ZNF883: variants seen among roughly 807,000 people sequenced by gnomAD.
The protein encoded by ZNF883 is zinc finger protein 883.
Position 112,998,058 on chromosome 9 carries a change from G to C in ZNF883, n.202C>G, listed in dbSNP as rs1828382752. ...TTCCCACATTCATTACATTCATAAG[G>C]TTTCTCTCCAGTATGTATTCTTTGA... On this transcript the variant is annotated non_coding_transcript_exon_variant, in exon 1 of 1. Coordinates refer to ENST00000639662, the Ensembl canonical transcript of ZNF883. The C allele has an allele frequency of 5.6e-6, 9 of 1,613,936 alleles. No individual in the cohort carries two copies. In the Middle Eastern group the frequency reaches 5.0e-4, roughly 89 times the overall value.
upstream of ZNF883, among the ~76,000 whole-genome samples, chr9:113,001,343 C>T (rs774897043): frequency 2.6e-5 from 4 of 151,996 alleles, no homozygotes; most frequent in Admixed American, 1.3e-4. Flanking sequence ...AATCATAAAA[C>T]AGTCATTAAA....
At chr9:113,003,621 G>A (rs775901340) in intron 2 of ZNF883, among the ~76,000 whole-genome samples, 1 of 150,880 alleles carries the variant, frequency 6.6e-6, no homozygotes, top group Non-Finnish European at 1.5e-5. Context: ...ATATTTAAGG[G>A]AATAAGGATA....
intron 1 of ZNF883, among the ~76,000 whole-genome samples, chr9:112,990,721 C>G (rs916637353): frequency 3.3e-5 from 5 of 152,152 alleles, no homozygotes; most frequent in Admixed American, 3.3e-4. Flanking sequence ...TGGTAGAATT[C>G]AGCTGTAAAT....
At chr9:113,000,581 A>G (rs927333756), upstream of ZNF883, among the ~76,000 whole-genome samples, 2 of 152,220 alleles carry the variant, frequency 1.3e-5, no homozygotes, top group African/African-American at 4.8e-5. Flanking sequence ...AAAAGAAGAA[A>G]CAAAAAATGC....
upstream of ZNF883, chr9:112,998,648 C>G (rs1828390650): frequency 6.4e-6 from 1 of 157,326 alleles, no homozygotes; most frequent in African/African-American, 2.4e-5. Context: ...TCTGTCCTGC[C>G]TGGGCTGTGA....
exon 1 of ZNF883, chr9:112,997,128 C>T (rs1482899224): frequency 6.3e-7 from 1 of 1,597,674 alleles, no homozygotes; most frequent in South Asian, 1.1e-5. Flanking sequence ...CATTACTCTG[C>T]TAAGGTTTCC....
exon 1 of ZNF883, chr9:112,997,213 A>G: frequency 5.6e-6 from 9 of 1,613,966 alleles, no homozygotes; most frequent in Non-Finnish European, 7.6e-6. Flanking sequence ...TAGTACATTG[A>G]TAGGGTCTCT....
At chr9:113,007,502 C>T (rs1828490012) in intron 2 of ZNF883, among the ~76,000 whole-genome samples, 1 of 152,152 alleles carries the variant, frequency 6.6e-6, no homozygotes, top group Admixed American at 6.5e-5. Context: ...TTACTATGTT[C>T]TCAACTCATA....
chr9:112,997,012 G>GTGTTTTGCCT (rs1372219965), downstream of ZNF883: 1 of 1,019,368 alleles, frequency 9.8e-7, no homozygotes, highest in African/African-American at 1.6e-5. Context: ...AAGTAAATGA[G>GTGTTTTGCCT]TGTTTTGCCT....
intron 1 of ZNF883, 75 bp from the exon 2 acceptor site, chr9:113,011,302 C>T (rs1331616922): frequency 6.6e-6 from 1 of 152,104 alleles, no homozygotes; most frequent in Non-Finnish European, 1.5e-5. Flanking sequence ...GGATATAACC[C>T]ACACCCTCTG....
chr9:112,997,392 C>A, exon 1 of ZNF883: 1 of 1,613,974 alleles, frequency 6.2e-7, no homozygotes, highest in Non-Finnish European at 8.5e-7. Context: ...TAGGGTTTCA[C>A]ACAAGAATGA....
chr9:112,997,472 TTC>T, exon 1 of ZNF883: 2 of 1,614,168 alleles, frequency 1.2e-6, no homozygotes, highest in Non-Finnish European at 1.7e-6. Flanking sequence ...AACATAGGGC[TTC>T]TCTCCAGTAT....
downstream of ZNF883, among the ~76,000 whole-genome samples, chr9:112,994,625 T>A (rs1283393095): frequency 6.6e-6 from 1 of 152,152 alleles, no homozygotes; most frequent in African/African-American, 2.4e-5. Flanking sequence ...TATAATATTC[T>A]ATATTTTTTA....
At chr9:112,989,233 T>C (rs1395236258) in intron 1 of ZNF883, among the ~76,000 whole-genome samples, 2 of 152,226 alleles carry the variant, frequency 1.3e-5, no homozygotes, top group Non-Finnish European at 2.9e-5. Context: ...ATTGCCTATA[T>C]TTTCTTCTAG....
chr9:113,004,778 T>A (rs1828459184), intron 2 of ZNF883, among the ~76,000 whole-genome samples: 1 of 149,702 alleles, frequency 6.7e-6, no homozygotes, highest in African/African-American at 2.5e-5. Context: ...AGACGAGGAT[T>A]GAGGGTGGGG....
chr9:112,998,287 T>C (rs2118610779), upstream of ZNF883: 1 of 1,447,894 alleles, frequency 6.9e-7, no homozygotes, highest in East Asian at 2.4e-5. Context: ...TTTACATTTA[T>C]TTATTTTTTC....
intron 1 of ZNF883, among the ~76,000 whole-genome samples, chr9:112,988,894 G>T (rs13291146): frequency 6.6e-6 from 1 of 151,058 alleles, no homozygotes; most frequent in African/African-American, 2.4e-5. Context: ...AGTGATGTTG[G>T]TTTTTTTTTC....
At position 112,997,338 on chromosome 9, in the gene ZNF883, G is replaced by A. The variant is rs192159800; in HGVS notation, n.922C>T. The A allele has an allele frequency of 3.7e-6, 6 of 1,614,090 alleles. No homozygotes were observed. In the East Asian group the frequency reaches 1.3e-4, roughly 36 times the overall value. ...GTATGCGTCCTCTGATGTCGAATTA[G>A]TGATGTTCTATAGCAAAACAGTTTC... is the stretch of plus-strand genomic sequence containing the variant. On this transcript the variant is annotated non_coding_transcript_exon_variant, in exon 1 of 1. Coordinates refer to ENST00000639662, the Ensembl canonical transcript of ZNF883.
At chr9:113,006,911 C>A (rs1828483496) in intron 2 of ZNF883, among the ~76,000 whole-genome samples, 1 of 146,692 alleles carries the variant, frequency 6.8e-6, no homozygotes, top group Non-Finnish European at 1.5e-5. Context: ...AAAAAAAAAT[C>A]TTGGCTGGGC....
Sources: allele counts gnomAD v4.1 joint callset (sites outside exome capture counted in the v4.1 genomes callset), GRCh38; gene constraint gnomAD v4.1.1; transcripts MANE v1.5; gene names NCBI Gene and HGNC (gene_info 2026-07-23, HGNC 2026-07-21).